Variants in NEGR1 observed in about 807,000 individuals in gnomAD.
The protein encoded by NEGR1 is IgLON family member 4.
A neutral mutation model predicts 40.9 loss-of-function variants in NEGR1; 10 were observed. That is an observed-to-expected ratio of 0.24 (90% CI 0.15 to 0.42). The LOEUF (loss-of-function observed/expected upper bound fraction) is 0.42, where lower values mean the gene tolerates loss of function less well. NEGR1 is among the 10% of genes least tolerant of loss of function. The probability of loss-of-function intolerance (pLI) is 1.00; values close to 1 mark genes in which losing one functional copy is unlikely to be tolerated. For synonymous variants in NEGR1, 185 were observed against 166.8 expected (o/e 1.11, Z -0.84); for missense variants, 352 against 438.9 (o/e 0.80, Z 1.77).
chr1:72,250,739 C>T (rs74092109), intron 1 of NEGR1, among the ~76,000 whole-genome samples: 1,744 of 152,198 alleles, frequency 0.011, 24 homozygotes, highest in African/African-American at 0.039. Context: ...ATTACATGTG[C>T]TCTTTTTGAC....
chr1:72,252,226 T>C (rs938599245), intron 1 of NEGR1, among the ~76,000 whole-genome samples: 8 of 142,110 alleles, frequency 5.6e-5, no homozygotes, highest in Non-Finnish European at 1.0e-4. Flanking sequence ...GTATTTTGAG[T>C]AGAGACAGGA....
intron 6 of NEGR1, chr1:71,486,558 T>C (rs1646889276): frequency 6.6e-6 from 1 of 151,558 alleles, no homozygotes; most frequent in Non-Finnish European, 1.5e-5. Context: ...TCAAATATCG[T>C]CTTTGAAACA....
rs553846442 is a variant in NEGR1 at position 71,777,722 on chromosome 1, A to AT, written c.410-1426dup. On this transcript the variant is annotated intron_variant, in intron 2 of 6. Transcript: ENST00000357731. ...TGACGATAAATTACCCATACTTTGA[A>AT]TTTTTTTTGACAACCAAAACTCAGC... Among the ~76,000 whole-genome samples, 197 of 151,858 alleles carry AT rather than the reference A, an allele frequency of 1.3e-3. 3 individuals carry two copies. Among genetic ancestry groups the AT allele is most frequent in the Non-Finnish European group, 3.7e-4 (25 of 67,856 alleles).
At chr1:71,729,820 T>A (rs1032531080) in intron 3 of NEGR1, among the ~76,000 whole-genome samples, 1 of 150,766 alleles carries the variant, frequency 6.6e-6, no homozygotes, top group African/African-American at 2.5e-5. Flanking sequence ...GTTTTTTTGT[T>A]TTGTTTTGTT....
intron 3 of NEGR1, among the ~76,000 whole-genome samples, chr1:71,700,353 C>A (rs1000821415): frequency 6.6e-6 from 1 of 151,944 alleles, no homozygotes; most frequent in Non-Finnish European, 1.5e-5. Context: ...TATTTGTATA[C>A]AACTGACAGA....
At chr1:72,084,442 C>G (rs1445614084) in intron 1 of NEGR1, among the ~76,000 whole-genome samples, 1 of 152,122 alleles carries the variant, frequency 6.6e-6, no homozygotes, top group African/African-American at 2.4e-5. Context: ...TCTCTAGAAC[C>G]CTTAATGCTC....
chr1:71,691,651 T>C (rs1378185912), intron 4 of NEGR1, among the ~76,000 whole-genome samples: 1 of 151,836 alleles, frequency 6.6e-6, no homozygotes, highest in Non-Finnish European at 1.5e-5. Context: ...AATTTATTCT[T>C]TTTTCATTAT....
chr1:71,454,868 C>T (rs993812039), intron 6 of NEGR1, among the ~76,000 whole-genome samples: 7 of 152,128 alleles, frequency 4.6e-5, no homozygotes, highest in African/African-American at 1.7e-4. Flanking sequence ...TTTATCTTGC[C>T]TAGGATCTTT....
intron 1 of NEGR1, among the ~76,000 whole-genome samples, chr1:72,229,196 G>T (rs1654279957): frequency 6.6e-6 from 1 of 151,772 alleles, no homozygotes; most frequent in African/African-American, 2.4e-5. Flanking sequence ...CAAGTCTATG[G>T]AGTCTTGACA....
chr1:71,928,449 T>TATGTATATATACACACAC (rs1645819213), intron 2 of NEGR1, among the ~76,000 whole-genome samples: 3 of 140,142 alleles, frequency 2.1e-5, no homozygotes, highest in Admixed American at 7.9e-5. Context: ...CATATATATG[T>TATGTATATATACACACAC]ATATATACAC....
At chr1:72,257,785 T>C (rs370922521) in intron 1 of NEGR1, among the ~76,000 whole-genome samples, 20 of 152,272 alleles carry the variant, frequency 1.3e-4, no homozygotes, top group African/African-American at 4.3e-4. Flanking sequence ...TGATCATTCT[T>C]CCCTTGGAAT....
chr1:71,925,736 A>T (rs1645766516), intron 2 of NEGR1, among the ~76,000 whole-genome samples: 1 of 152,182 alleles, frequency 6.6e-6, no homozygotes, highest in Admixed American at 6.5e-5. Flanking sequence ...GGGAAAAAAA[A>T]AAAGAAAAAT....
intron 6 of NEGR1, among the ~76,000 whole-genome samples, chr1:71,538,380 G>T (rs1647580090): frequency 6.6e-6 from 1 of 151,698 alleles, no homozygotes; most frequent in Non-Finnish European, 1.5e-5. Context: ...TTATTATACA[G>T]TAGAGGTGTG....
chr1:71,500,706 C>T (rs1168719609), intron 6 of NEGR1, among the ~76,000 whole-genome samples: 2 of 151,774 alleles, frequency 1.3e-5, no homozygotes, highest in African/African-American at 2.4e-5. Flanking sequence ...GATTGAGGAC[C>T]CTTGGCAATA....
chr1:71,975,830 A>C (rs1373071974), intron 1 of NEGR1, among the ~76,000 whole-genome samples: 8 of 152,232 alleles, frequency 5.3e-5, no homozygotes, highest in Non-Finnish European at 8.8e-5. Flanking sequence ...CTCCCAGCTC[A>C]AAACTTTTAA....
intron 4 of NEGR1, among the ~76,000 whole-genome samples, chr1:71,695,520 C>A (rs1446287766): frequency 2.6e-5 from 4 of 151,820 alleles, no homozygotes; most frequent in African/African-American, 4.8e-5. Flanking sequence ...AATTTTCTCC[C>A]TTTTTCCTAC....
chr1:71,651,892 T>A (rs1452183025), intron 4 of NEGR1, among the ~76,000 whole-genome samples: 1 of 151,574 alleles, frequency 6.6e-6, no homozygotes, highest in Non-Finnish European at 1.5e-5. Flanking sequence ...CAACTTTCCA[T>A]ACTGAAATTT....
At chr1:71,726,970 T>G (rs1421842088) in intron 3 of NEGR1, among the ~76,000 whole-genome samples, 3 of 152,146 alleles carry the variant, frequency 2.0e-5, no homozygotes, top group South Asian at 2.1e-4. Context: ...GTGCATAGCC[T>G]GAACCCTCTT....
chr1:71,776,901 T>C (rs1168659177), intron 2 of NEGR1, among the ~76,000 whole-genome samples: 1 of 152,112 alleles, frequency 6.6e-6, no homozygotes, highest in Non-Finnish European at 1.5e-5. Flanking sequence ...TAAAGTTTTC[T>C]TATCAATAAT....
Sources: allele counts gnomAD v4.1 joint callset (sites outside exome capture counted in the v4.1 genomes callset), GRCh38; gene constraint gnomAD v4.1.1; transcripts MANE v1.5; gene names NCBI Gene and HGNC (gene_info 2026-07-23, HGNC 2026-07-21).